The following ABRAXAS1 variants were observed in gnomAD, a reference collection of about 807,000 sequenced individuals.
ABRAXAS1 encodes abraxas 1, BRCA1 A complex subunit.
In ABRAXAS1, 26 loss-of-function variants were observed where a neutral mutation model predicts 38.4. The observed-to-expected ratio is 0.68, with a 90% CI of 0.50 to 0.94. The LOEUF (loss-of-function observed/expected upper bound fraction) is 0.94, where lower values mean the gene tolerates loss of function less well. Ranked by LOEUF, ABRAXAS1 falls within the 40% of genes least tolerant of loss-of-function variation. ABRAXAS1 has a pLI of 0.00. For missense variants in ABRAXAS1, 438 were observed against 481.9 expected (o/e 0.91, Z 0.85); for synonymous variants, 144 against 165.5 (o/e 0.87, Z 1.00).
intron 7 of ABRAXAS1, among the ~76,000 whole-genome samples, chr4:83,465,842 C>T (rs1465203889): frequency 1.3e-5 from 2 of 152,120 alleles, no homozygotes; most frequent in Non-Finnish European, 2.9e-5. Flanking sequence ...ATTCCCGTTT[C>T]ATATGAAAAA....
Position 83,485,097 on chromosome 4 carries a change from A to T in ABRAXAS1, c.-25T>A. The T allele has an allele frequency of 6.4e-7, 1 of 1,555,198 alleles. No individual in the cohort carries two copies. The highest frequency in any genetic ancestry group is 8.7e-7 in the Non-Finnish European group (1 of 1,146,900). On this transcript the variant is annotated 5_prime_UTR_variant, in exon 1 of 9. It adds an upstream start codon to the 5' untranslated region. Transcript: ENST00000321945. ...TGCTACCGCCGCCTCAGGCTACACA[A>T]GAGGACGAGGGCGGGGCGCGCGGAG...
At chr4:83,481,776 G>C (rs1207686906) in intron 2 of ABRAXAS1, among the ~76,000 whole-genome samples, 2 of 151,970 alleles carry the variant, frequency 1.3e-5, no homozygotes, top group African/African-American at 4.8e-5. Context: ...TTGAGACAGA[G>C]TCTCGCTTTG....
chr4:83,477,402 C>CAA (rs111579408), intron 2 of ABRAXAS1: 73 of 164,390 alleles, frequency 4.4e-4, no homozygotes, highest in Non-Finnish European at 6.0e-4. Flanking sequence ...GTGTCCGAAC[C>CAA]AAAAAAAAAA....
At chr4:83,467,581 T>C (rs1722420246) in intron 6 of ABRAXAS1, 43 bp from the exon 7 acceptor site, 1 of 958,338 alleles carries the variant, frequency 1.0e-6, no homozygotes, top group African/African-American at 1.7e-5. Context: ...CACAAAACCA[T>C]TTTAATGATA....
intron 8 of ABRAXAS1, 62 bp downstream of exon 8, chr4:83,463,432 C>A: frequency 7.9e-7 from 1 of 1,270,502 alleles, no homozygotes; most frequent in South Asian, 1.3e-5. Flanking sequence ...GACTCCGTCT[C>A]AAAAATAAAT....
Position 83,461,271 on chromosome 4 carries a change from A to C in ABRAXAS1, c.*1198T>G, listed in dbSNP as rs550697211. ...ATGATGCCAATACTGACTCAAACCAACCTTTGGATAGAAAAGTGTTTGAGG... is the reference window on the plus strand; with the variant it reads ...ATGATGCCAATACTGACTCAAACCACCCTTTGGATAGAAAAGTGTTTGAGG... On this transcript the variant is annotated 3_prime_UTR_variant, in exon 9 of 9. Transcript: ENST00000321945. 7.8e-7 allele frequency: 1 copy of C among 1,280,090 alleles called. No homozygotes were observed. The highest frequency in any genetic ancestry group is 1.1e-6 in the Non-Finnish European group (1 of 881,888). The allele number at this position is 1,280,090 out of a possible 1,614,324, so 79.3% of individuals were successfully genotyped here.
chr4:83,471,093 T>C (rs969738675), intron 4 of ABRAXAS1, among the ~76,000 whole-genome samples: 57 of 149,872 alleles, frequency 3.8e-4, no homozygotes, highest in African/African-American at 1.3e-3. Flanking sequence ...TTTTTAAAAA[T>C]AAGGCATTTT....
chr4:83,468,956 C>A, intron 6 of ABRAXAS1, 76 bp downstream of exon 6: 1 of 1,527,394 alleles, frequency 6.5e-7, no homozygotes, highest in South Asian at 1.2e-5. Flanking sequence ...AATTTTTATT[C>A]TGCTGTTGTT....
In ABRAXAS1 at chr4:83,476,521, A is replaced by T. The variant is rs1722775829; in HGVS notation, c.215+122T>A. 6 of 603,714 alleles carry T rather than the reference A, an allele frequency of 9.9e-6. 1 individual carries two copies. The South Asian group carries it at 1.7e-4, about 17-fold the overall frequency. 37.4% of individuals were successfully genotyped at this position (603,714 alleles called of 1,614,324 possible). A position where few individuals can be genotyped will look rare whatever the true frequency, so the allele number is the denominator to read the frequency against. On this transcript the variant is annotated intron_variant, in intron 3 of 8. Coordinates refer to ENST00000321945, the MANE Select transcript of ABRAXAS1 (RefSeq NM_139076.3). ...TTCAGCTATTTAAAAAAAACTTTCC[A>T]TTCTACTCAGTACCACCATGTATAG...
chr4:83,479,514 A>C (rs1020745455), intron 2 of ABRAXAS1: 3 of 152,134 alleles, frequency 2.0e-5, no homozygotes, highest in Non-Finnish European at 4.4e-5. Flanking sequence ...TACCTCCAGG[A>C]GTGTGACTTT....
chr4:83,467,444 GTTAAC>G lies in ABRAXAS1; in HGVS notation c.681+5_681+9del, dbSNP rs1275150701. ...TAGAAGTGGTTGACGTGTTTGATATGTTAACTTACCTTTAATTCCTCTTGTAATGA... is the reference window on the plus strand; with the variant it reads ...TAGAAGTGGTTGACGTGTTTGATATGTTACCTTTAATTCCTCTTGTAATGA... On this transcript the variant is annotated splice_donor_5th_base_variant and intron_variant, in intron 7 of 8. Transcript: ENST00000321945. 5 of 1,428,340 alleles carry G rather than the reference GTTAAC, an allele frequency of 3.5e-6. No homozygotes were observed. Among genetic ancestry groups the G allele is most frequent in the East Asian group, 2.3e-5 (1 of 43,746 alleles). The allele number at this position is 1,428,340 out of a possible 1,614,324, so 88.5% of individuals were successfully genotyped here. A position where few individuals can be genotyped will look rare whatever the true frequency, so the allele number is the denominator to read the frequency against.
intron 5 of ABRAXAS1, 82 bp from the exon 6 acceptor site, chr4:83,469,233 C>T (rs918423896): frequency 1.6e-6 from 2 of 1,244,180 alleles, no homozygotes; most frequent in Non-Finnish European, 1.2e-6. Flanking sequence ...TTACTTGTCC[C>T]CTACAAGATT....
At chr4:83,476,602 T>C (rs769539724) in intron 3 of ABRAXAS1, 41 bp downstream of exon 3, 39 of 1,379,538 alleles carry the variant, frequency 2.8e-5, no homozygotes, top group East Asian at 6.9e-5. Context: ...CAGAGAGTAA[T>C]TTTCACAATG....
At chr4:83,473,870 C>T (rs1246637485) in intron 3 of ABRAXAS1, among the ~76,000 whole-genome samples, 2 of 151,478 alleles carry the variant, frequency 1.3e-5, no homozygotes. Context: ...CAGTGGCTCA[C>T]GCCTTAATCC....
chr4:83,482,045 T>A, intron 2 of ABRAXAS1, 109 bp downstream of exon 2: 1 of 691,546 alleles, frequency 1.4e-6, no homozygotes. Context: ...TTGCCCAGCC[T>A]CTGTATTTCC....
In ABRAXAS1 at chr4:83,471,364, C is replaced by T. The variant is rs534733740; in HGVS notation, c.282+858G>A. ...GATTACAGGCATGCGCCACTACGCC[C>T]GGCTTTTTTTTTTTCTTCTGTTTTT... On this transcript the variant is annotated intron_variant, in intron 4 of 8. Coordinates refer to ENST00000321945, the MANE Select transcript of ABRAXAS1 (RefSeq NM_139076.3). 6.3e-4 allele frequency among the ~76,000 whole-genome samples: 96 copies of T among 151,380 alleles called. 1 individual carries two copies. Among genetic ancestry groups the T allele is most frequent in the African/African-American group, 2.2e-3 (91 of 41,292 alleles).
At chr4:83,465,486 G>A (rs886134841) in intron 7 of ABRAXAS1, among the ~76,000 whole-genome samples, 3 of 151,882 alleles carry the variant, frequency 2.0e-5, no homozygotes, top group Non-Finnish European at 2.9e-5. Flanking sequence ...AAATAGTTAT[G>A]TTAAAATGGT....
At chr4:83,463,471 G>C in intron 8 of ABRAXAS1, 23 bp downstream of exon 8, 1 of 1,466,242 alleles carries the variant, frequency 6.8e-7, no homozygotes, top group Non-Finnish European at 9.4e-7. Context: ...AGCACAGAAA[G>C]TAGAGATGTG....
In ABRAXAS1 at chr4:83,473,839, T is replaced by G. The variant is rs374318294; in HGVS notation, c.216-1551A>C. Reference sequence around the variant, plus strand: ...CTGCATAATTTTTTAAAAAGTGACTTTAAGTTTCAGAAGCCGGGCACAGTG... The same window carrying G: ...CTGCATAATTTTTTAAAAAGTGACTGTAAGTTTCAGAAGCCGGGCACAGTG... On this transcript the variant is annotated intron_variant, in intron 3 of 8. Coordinates refer to ENST00000321945, the MANE Select transcript of ABRAXAS1 (RefSeq NM_139076.3). Among the ~76,000 whole-genome samples, 15 of 151,582 alleles carry G rather than the reference T, an allele frequency of 9.9e-5. 1 individual carries two copies. Among genetic ancestry groups the G allele is most frequent in the Admixed American group, 8.5e-4 (13 of 15,242 alleles).
Sources: gnomAD v4.1 joint callset for allele counts (sites outside exome capture counted in the v4.1 genomes callset) on GRCh38, gnomAD v4.1.1 for gene constraint, MANE v1.5 for transcripts, NCBI Gene and HGNC (gene_info 2026-07-23, HGNC 2026-07-21) for gene names.